Variants in USP8 observed in about 807,000 individuals in gnomAD.
USP8 encodes ubiquitin carboxyl-terminal hydrolase 8.
USP8 carries 27 observed loss-of-function variants against 130.0 expected under a neutral mutation model. That is an observed-to-expected ratio of 0.21 (90% CI 0.15 to 0.29). USP8 has a LOEUF of 0.29. Ranked by LOEUF, USP8 falls within the 10% of genes least tolerant of loss-of-function variation. The probability of loss-of-function intolerance (pLI) is 1.00; values close to 1 mark genes in which losing one functional copy is unlikely to be tolerated. For synonymous variants in USP8, 392 were observed against 444.1 expected (o/e 0.88, Z 1.48); for missense variants, 1,029 against 1,312.2 (o/e 0.78, Z 3.33).
intron 15 of USP8, chr15:50,493,783 C>G (rs1222383886): frequency 5.7e-6 from 3 of 526,616 alleles, no homozygotes; most frequent in Admixed American, 2.8e-5. Context: ...TAGTAAAGGA[C>G]AGACAGGATG....
intron 3 of USP8, among the ~76,000 whole-genome samples, chr15:50,442,542 G>A (rs888917998): frequency 2.6e-5 from 4 of 151,956 alleles, no homozygotes; most frequent in Admixed American, 6.6e-5. Flanking sequence ...TCAGGAGTTC[G>A]AGACCAGCCT....
chr15:50,479,670 A>C, intron 10 of USP8, among the ~76,000 whole-genome samples: 1 of 150,308 alleles, frequency 6.7e-6, no homozygotes, highest in East Asian at 1.9e-4. Flanking sequence ...AAATACATGC[A>C]AAAAAAAAGA....
intron 3 of USP8, among the ~76,000 whole-genome samples, chr15:50,446,909 G>A (rs573900997): frequency 6.6e-6 from 1 of 152,298 alleles, no homozygotes; most frequent in South Asian, 2.1e-4. Context: ...GGGATTACAA[G>A]CGTGAGCCAC....
At chr15:50,464,002 C>T (rs1398525821) in intron 6 of USP8, among the ~76,000 whole-genome samples, 2 of 151,906 alleles carry the variant, frequency 1.3e-5, no homozygotes, top group East Asian at 1.9e-4. Flanking sequence ...ATCTTTTTTC[C>T]TTCTGGCTGG....
At chr15:50,464,937 A>G in intron 6 of USP8, 110 bp from the exon 7 acceptor site, 4 of 1,086,844 alleles carry the variant, frequency 3.7e-6, no homozygotes, top group Non-Finnish European at 1.3e-6. Flanking sequence ...GCATCCATAT[A>G]TATTCAGTAT....
In USP8 at chr15:50,514,103, A is replaced by G. The variant is rs981880284; in HGVS notation, c.*15015A>G. 14 of 152,380 alleles carry G rather than the reference A, an allele frequency of 9.2e-5. No homozygotes were observed. The highest frequency in any genetic ancestry group is 3.4e-3 in the Middle Eastern group (1 of 294). The allele number at this position is 152,380 out of a possible 1,614,324, so 9.4% of individuals were successfully genotyped here. On this transcript the variant is annotated 3_prime_UTR_variant, in exon 20 of 20. Coordinates refer to ENST00000307179, the MANE Select transcript of USP8 (RefSeq NM_005154.5). Reference sequence around the variant, plus strand: ...GCAATGAGAATGAATAAATTACAATATAAACAACAATATGGATGAACATTA... The same window carrying G: ...GCAATGAGAATGAATAAATTACAATGTAAACAACAATATGGATGAACATTA...
chr15:50,468,924 C>T (rs781262987), intron 7 of USP8, among the ~76,000 whole-genome samples: 5 of 152,010 alleles, frequency 3.3e-5, no homozygotes, highest in Non-Finnish European at 5.9e-5. Flanking sequence ...CCCCTGAACC[C>T]GATATACCCC....
chr15:50,471,787 C>G lies in USP8; in HGVS notation c.841C>G (p.Leu281Val). 1.2e-6 allele frequency: 2 copies of G among 1,613,480 alleles called. No homozygotes were observed. Among genetic ancestry groups the G allele is most frequent in the Non-Finnish European group, 1.7e-6 (2 of 1,179,826 alleles). Residue 281 changes from leucine (L) to valine (V), a missense_variant, in exon 8 of 20, where the codon CTT becomes GTT. Physicochemically the swap from Leu to Val is conservative, Grantham distance 32. Transcript: ENST00000307179. Reference sequence around the variant, plus strand: ...AACTCTCCGGAGTCTGAAAGATGCACTTTTCAAGGTTTGCAAGTTTCATTG... The same window carrying G: ...AACTCTCCGGAGTCTGAAAGATGCAGTTTTCAAGGTTTGCAAGTTTCATTG... ...GTTLRSLKDALFKWESKTVLR... is the reference protein window; with the variant it reads ...GTTLRSLKDAVFKWESKTVLR...
intron 2 of USP8, 132 bp from the exon 3 acceptor site, chr15:50,441,217 C>G: frequency 1.2e-6 from 1 of 806,378 alleles, no homozygotes; most frequent in African/African-American, 1.8e-5. Context: ...CATAACAGGC[C>G]GTGAACCAGT....
intron 12 of USP8, 88 bp from the exon 13 acceptor site, chr15:50,489,713 A>G: frequency 1.1e-6 from 1 of 892,410 alleles, no homozygotes; most frequent in Non-Finnish European, 1.6e-6. Flanking sequence ...TGGTACAAGT[A>G]GCTTAAGTTT....
chr15:50,457,842 CAG>C (rs1246581563), intron 4 of USP8, among the ~76,000 whole-genome samples: 3 of 116,374 alleles, frequency 2.6e-5, no homozygotes, highest in African/African-American at 1.0e-4. Context: ...GCCTGGGTGA[CAG>C]AGCAAGACTC....
intron 1 of USP8, among the ~76,000 whole-genome samples, chr15:50,426,370 C>G (rs2049724274): frequency 6.6e-6 from 1 of 152,130 alleles, no homozygotes; most frequent in Non-Finnish European, 1.5e-5. Flanking sequence ...GTTGTTGTCC[C>G]AGTTACCTAT....
At chr15:50,443,937 C>G (rs569547120) in intron 3 of USP8, among the ~76,000 whole-genome samples, 1 of 151,992 alleles carries the variant, frequency 6.6e-6, no homozygotes, top group African/African-American at 2.4e-5. Context: ...AGAGGCCTTC[C>G]TAAATTCAAA....
chr15:50,485,353 G>A (rs1380987090), intron 12 of USP8, among the ~76,000 whole-genome samples: 1 of 151,472 alleles, frequency 6.6e-6, no homozygotes, highest in Non-Finnish European at 1.5e-5. Context: ...GGGAGGCTGA[G>A]GCAGGAGAAT....
At chr15:50,449,586 A>G in intron 4 of USP8, 101 bp downstream of exon 4, 1 of 865,584 alleles carries the variant, frequency 1.2e-6, no homozygotes, top group Non-Finnish European at 1.6e-6. Flanking sequence ...TAATATTCCA[A>G]TTTTTTTTTG....
chr15:50,493,841 T>C (rs118102326), intron 15 of USP8: 16 of 672,224 alleles, frequency 2.4e-5, no homozygotes, highest in East Asian at 2.9e-5. Context: ...CTGGAGCCTG[T>C]TGATGATGAG....
intron 6 of USP8, among the ~76,000 whole-genome samples, chr15:50,463,960 C>G (rs891478044): frequency 1.3e-5 from 2 of 152,172 alleles, no homozygotes; most frequent in East Asian, 3.8e-4. Flanking sequence ...TACTTAGTTT[C>G]CTTTTTGTTA....
intron 2 of USP8, among the ~76,000 whole-genome samples, chr15:50,439,452 A>G (rs1485056024): frequency 6.6e-6 from 1 of 152,192 alleles, no homozygotes. Context: ...CTAAAAAAAA[A>G]TTCAGCCAGA....
At chr15:50,493,311 A>G (rs2052250208) in intron 15 of USP8, 1 of 520,562 alleles carries the variant, frequency 1.9e-6, no homozygotes, top group Admixed American at 1.9e-5. Flanking sequence ...GTGGTAACCT[A>G]TGAATAAGTA....
Sources: gnomAD v4.1 joint callset for allele counts (sites outside exome capture counted in the v4.1 genomes callset) on GRCh38, gnomAD v4.1.1 for gene constraint, MANE v1.5 for transcripts, NCBI Gene and HGNC (gene_info 2026-07-23, HGNC 2026-07-21) for gene names.